Variants in LARP4B observed in about 807,000 individuals in gnomAD.
LARP4B encodes La ribonucleoprotein 4B, also known as la-related protein 4B.
A neutral mutation model predicts 89.8 loss-of-function variants in LARP4B; 12 were observed. The ratio of observed to expected loss-of-function variants is 0.13; its 90% CI spans 0.09 to 0.22. LARP4B has a LOEUF of 0.22. Among genes scored for constraint, LARP4B ranks in the 10% least tolerant of loss-of-function variants. The pLI, the probability that LARP4B is intolerant of heterozygous loss-of-function variation, is 1.00. For synonymous variants in LARP4B, 367 were observed against 363.3 expected (o/e 1.01, Z -0.12); for missense variants, 757 against 947.7 (o/e 0.80, Z 2.64).
the LARP4B span, among the ~76,000 whole-genome samples, chr10:955,322 G>C: frequency 6.6e-6 from 1 of 152,220 alleles, no homozygotes; most frequent in African/African-American, 2.4e-5. This position sits in a 1 kb window ranked among gnomAD's most constrained non-coding sequence, Gnocchi z 5.2. Flanking sequence ...CCCGTGGGGG[G>C]CCCACACCAC....
At chr10:878,607 A>T (rs1469447879) in intron 3 of LARP4B, among the ~76,000 whole-genome samples, 1 of 152,228 alleles carries the variant, frequency 6.6e-6, no homozygotes, top group Non-Finnish European at 1.5e-5. Context: ...AAATACACTG[A>T]GTTGTACTTT....
At chr10:824,259 G>A (rs1832503351) in intron 13 of LARP4B, among the ~76,000 whole-genome samples, 1 of 152,226 alleles carries the variant, frequency 6.6e-6, no homozygotes, top group African/African-American at 2.4e-5. Flanking sequence ...ATGGAAGGCT[G>A]AGGCAGGAGG....
At chr10:968,930 T>G in the LARP4B span, among the ~76,000 whole-genome samples, 3 of 152,362 alleles carry the variant, frequency 2.0e-5, no homozygotes, top group Admixed American at 2.0e-4. Flanking sequence ...GATCTTATGC[T>G]TTATTCATTG....
chr10:934,176 C>A (rs748700341), upstream of LARP4B, among the ~76,000 whole-genome samples: 12 of 151,952 alleles, frequency 7.9e-5, no homozygotes, highest in Non-Finnish European at 1.8e-4. Context: ...TACATTCCAG[C>A]AGACATCTAT....
chr10:975,687 AC>A, the LARP4B span, among the ~76,000 whole-genome samples: 1 of 152,206 alleles, frequency 6.6e-6, no homozygotes, highest in South Asian at 2.1e-4. Context: ...CCGGCCTAGT[AC>A]AAGGTAGGCC....
intron 7 of LARP4B, among the ~76,000 whole-genome samples, chr10:842,356 C>T (rs1833564967): frequency 6.6e-6 from 1 of 152,086 alleles, no homozygotes; most frequent in Non-Finnish European, 1.5e-5. Flanking sequence ...CACCACCACG[C>T]CCAGCTAATT....
intron 8 of LARP4B, among the ~76,000 whole-genome samples, chr10:832,458 G>GAC (rs779972324): frequency 5.9e-5 from 9 of 152,304 alleles, no homozygotes; most frequent in Non-Finnish European, 1.3e-4. Context: ...TGAAGAAAAG[G>GAC]ACAAAAGGCA....
chr10:894,243 TC>T (rs2131964680), intron 1 of LARP4B, among the ~76,000 whole-genome samples: 1 of 152,216 alleles, frequency 6.6e-6, no homozygotes, highest in Non-Finnish European at 1.5e-5. Flanking sequence ...CACAAAGTAG[TC>T]GTGCCAAAAA....
intron 13 of LARP4B, among the ~76,000 whole-genome samples, chr10:824,271 T>C (rs1223635148): frequency 1.3e-5 from 2 of 152,158 alleles, no homozygotes; most frequent in Admixed American, 1.3e-4. Context: ...GGCAGGAGGA[T>C]GGCTCTAGGC....
Position 812,769 on chromosome 10 carries a change from G to C in LARP4B, c.*157C>G. On this transcript the variant is annotated 3_prime_UTR_variant, in exon 18 of 18. Transcript: ENST00000316157. ...TGAAAAATCGATTTTTTTTCAAGAG[G>C]GGGAGAATCCAACTCACAGAAGAAA... 1.9e-6 allele frequency: 1 copy of C among 521,078 alleles called. No homozygotes were observed. Among genetic ancestry groups the C allele is most frequent in the East Asian group, 3.3e-5 (1 of 30,238 alleles). 32.3% of individuals were successfully genotyped at this position (521,078 alleles called of 1,614,324 possible).
chr10:918,696 T>C (rs933822749), intron 1 of LARP4B, among the ~76,000 whole-genome samples: 20 of 149,256 alleles, frequency 1.3e-4, no homozygotes, highest in African/African-American at 4.2e-4. Flanking sequence ...TGAAAATTCC[T>C]ATCACTTCCA....
At chr10:900,405 C>T (rs1021912353) in intron 1 of LARP4B, among the ~76,000 whole-genome samples, 2 of 119,704 alleles carry the variant, frequency 1.7e-5, no homozygotes, top group Admixed American at 9.6e-5. Context: ...ATTCTAGGAT[C>T]GGAAAGAAGG....
At chr10:965,493 G>C in the LARP4B span, among the ~76,000 whole-genome samples, 2 of 152,120 alleles carry the variant, frequency 1.3e-5, no homozygotes, top group African/African-American at 4.8e-5. Context: ...GCAGCTTACA[G>C]TCTGGTCGGA....
At chr10:898,605 C>A (rs150061007) in intron 1 of LARP4B, among the ~76,000 whole-genome samples, 25 of 152,170 alleles carry the variant, frequency 1.6e-4, no homozygotes, top group African/African-American at 2.7e-4. Context: ...CTAAGAAAAT[C>A]AAAATAAAGA....
At chr10:977,663 A>G in the LARP4B span, among the ~76,000 whole-genome samples, 1 of 152,200 alleles carries the variant, frequency 6.6e-6, no homozygotes, top group Non-Finnish European at 1.5e-5. Flanking sequence ...ATTATTCCCT[A>G]AACAATATAG....
At chr10:953,934 G>A in the LARP4B span, among the ~76,000 whole-genome samples, 58 of 152,358 alleles carry the variant, frequency 3.8e-4, no homozygotes, top group Admixed American at 3.3e-3. Context: ...ACGGGAGCTC[G>A]CTTCAGCCTG....
chr10:831,873 CAAAG>C (rs1356179723), intron 8 of LARP4B, among the ~76,000 whole-genome samples: 2 of 151,962 alleles, frequency 1.3e-5, no homozygotes, highest in African/African-American at 4.8e-5. Context: ...ACAAAGCATG[CAAAG>C]AAATAGAAAA....
At chr10:958,282 CT>C in the LARP4B span, among the ~76,000 whole-genome samples, 25 of 152,218 alleles carry the variant, frequency 1.6e-4, 1 homozygote, top group Admixed American at 1.6e-3. Flanking sequence ...CCTGCCTCTT[CT>C]GGGACCTGAC....
chr10:986,034 T>C, the LARP4B span: 21 of 152,186 alleles, frequency 1.4e-4, no homozygotes, highest in African/African-American at 4.6e-4. Context: ...GGAGCACTCA[T>C]AGGACCCTCT....
Sources: gnomAD v4.1 joint callset for allele counts (sites outside exome capture counted in the v4.1 genomes callset) on GRCh38, gnomAD v4.1.1 for gene constraint, Gnocchi (gnomAD v3.1) non-coding constraint, MANE v1.5 for transcripts, NCBI Gene and HGNC (gene_info 2026-07-23, HGNC 2026-07-21) for gene names.